Variants in AFF1 observed in about 807,000 individuals in gnomAD.
The protein encoded by AFF1 is ALF transcription elongation factor 1.
AFF1 carries 48 observed loss-of-function variants against 121.7 expected under a neutral mutation model. That is an observed-to-expected ratio of 0.39 (90% CI 0.31 to 0.50). The LOEUF (loss-of-function observed/expected upper bound fraction) is 0.50, where lower values mean the gene tolerates loss of function less well. Among genes scored for constraint, AFF1 ranks in the 20% least tolerant of loss-of-function variants. AFF1 has a pLI of 0.76. For synonymous variants in AFF1, 613 were observed against 563.0 expected (o/e 1.09, Z -1.26); for missense variants, 1,523 against 1,511.7 (o/e 1.01, Z -0.12).
intron 2 of AFF1, among the ~76,000 whole-genome samples, chr4:86,972,578 C>T (rs1432651657): frequency 6.6e-6 from 1 of 152,118 alleles, no homozygotes; most frequent in Non-Finnish European, 1.5e-5. Flanking sequence ...CACTGTATTG[C>T]CCAGGCTGGA....
chr4:87,076,691 T>G (rs1382427569), intron 4 of AFF1, among the ~76,000 whole-genome samples: 1 of 152,268 alleles, frequency 6.6e-6, no homozygotes, highest in African/African-American at 2.4e-5. Context: ...TAATTTGGAC[T>G]ATAACTGTGC....
chr4:87,088,878 T>C (rs1175650497), intron 5 of AFF1, among the ~76,000 whole-genome samples: 1 of 152,162 alleles, frequency 6.6e-6, no homozygotes, highest in Non-Finnish European at 1.5e-5. Context: ...CCCGAGTAGC[T>C]GGGATTACAG....
chr4:87,067,159 AAAAG>A (rs376797360), intron 4 of AFF1, among the ~76,000 whole-genome samples: 129 of 152,358 alleles, frequency 8.5e-4, no homozygotes, highest in East Asian at 5.8e-3. Context: ...AGGATGGAAG[AAAAG>A]AAAGAAAGAC....
intron 5 of AFF1, among the ~76,000 whole-genome samples, chr4:87,088,777 A>G (rs1390033558): frequency 6.7e-6 from 1 of 149,552 alleles, no homozygotes; most frequent in Admixed American, 6.6e-5. Flanking sequence ...GTATTTTTGT[A>G]TTTATTTATT....
intron 2 of AFF1, among the ~76,000 whole-genome samples, chr4:87,026,483 T>G (rs758125853): frequency 7.2e-5 from 11 of 152,132 alleles, no homozygotes; most frequent in Non-Finnish European, 1.5e-4. Context: ...CTCTGCCTCC[T>G]TCAGTTTCAA....
intron 2 of AFF1, among the ~76,000 whole-genome samples, chr4:86,968,580 A>G (rs1028171224): frequency 6.6e-6 from 1 of 152,222 alleles, no homozygotes; most frequent in African/African-American, 2.4e-5. Flanking sequence ...GGGGTCTTAC[A>G]CTGAAGGAGT....
intron 1 of AFF1, among the ~76,000 whole-genome samples, chr4:86,944,317 A>G (rs1720687770): frequency 6.6e-6 from 1 of 152,044 alleles, no homozygotes; most frequent in African/African-American, 2.4e-5. Context: ...AATCCCATGA[A>G]GCCCCTGTAT....
intron 2 of AFF1, among the ~76,000 whole-genome samples, chr4:87,041,556 C>G (rs1730155197): frequency 6.6e-6 from 1 of 152,016 alleles, no homozygotes; most frequent in Non-Finnish European, 1.5e-5. Flanking sequence ...ATGCAAAGTA[C>G]CATCTAAAAT....
rs1431441844 is a variant in AFF1 at position 87,140,172 on chromosome 4, C to T, written c.*4471C>T. 5 of 201,304 alleles carry T rather than the reference C, an allele frequency of 2.5e-5. No individual in the cohort carries two copies. The highest frequency in any genetic ancestry group is 4.6e-5 in the African/African-American group (2 of 43,502). 12.5% of individuals were successfully genotyped at this position (201,304 alleles called of 1,614,324 possible). On this transcript the variant is annotated 3_prime_UTR_variant, in exon 21 of 21. Transcript: ENST00000395146. ...GTGAGGCTGGCCAAGCTGCACTGGT[C>T]GGACCAGGCAGTGGCTGACCTAAGG... is the stretch of plus-strand genomic sequence containing the variant.
intron 2 of AFF1, chr4:87,020,697 G>A: frequency 1.6e-6 from 1 of 612,724 alleles, no homozygotes; most frequent in Non-Finnish European, 2.0e-6. Context: ...TGTTAGCCAG[G>A]ATGTTCTCAG....
intron 2 of AFF1, among the ~76,000 whole-genome samples, chr4:86,957,461 G>A (rs1721821914): frequency 6.6e-6 from 1 of 152,208 alleles, no homozygotes; most frequent in Admixed American, 6.5e-5. Flanking sequence ...GAAAGCAAAA[G>A]CCTGGAGAGA....
chr4:87,003,483 C>T (rs1016794372), intron 2 of AFF1, among the ~76,000 whole-genome samples: 1 of 152,052 alleles, frequency 6.6e-6, no homozygotes, highest in East Asian at 1.9e-4. Flanking sequence ...CAAATTCCTG[C>T]CCTCAAGCGA....
chr4:87,045,829 T>C (rs1222556757), intron 2 of AFF1, among the ~76,000 whole-genome samples: 1 of 152,176 alleles, frequency 6.6e-6, no homozygotes, highest in Non-Finnish European at 1.5e-5. Context: ...TTTTGCAAGC[T>C]GAAAATAAAA....
At position 87,105,663 on chromosome 4, in the gene AFF1, A is replaced by AG; in HGVS notation, c.1321dup (p.Asp441GlyfsTer3). 6.2e-7 allele frequency: 1 copy of AG among 1,614,222 alleles called. No homozygotes were observed. Among genetic ancestry groups the AG allele is most frequent in the Non-Finnish European group, 8.5e-7 (1 of 1,180,032 alleles). On this transcript the variant is annotated frameshift_variant, in exon 9 of 21. Transcript: ENST00000395146. LOFTEE classifies it high-confidence loss of function. ...GACGACCTTCAGCTCAGTGACAGTG[A>AG]GGACAGTGACAGTGAACAAGTAAGT...
rs747677974 is a variant in AFF1, at chr4:87,105,589, T to C, written c.1284-39T>C. The C allele has an allele frequency of 2.5e-6, 4 of 1,612,414 alleles. No individual in the cohort carries two copies. In the Admixed American group the frequency reaches 6.7e-5, roughly 27 times the overall value. On this transcript the variant is annotated intron_variant, in intron 8 of 20. Coordinates refer to ENST00000395146, the MANE Select transcript of AFF1 (RefSeq NM_001166693.3). ...ATGCTAGAAAAGTTGTTAGAAATCATTTCACATTCATTCTTCTCTGTGTCC... is the reference window on the plus strand; with the variant it reads ...ATGCTAGAAAAGTTGTTAGAAATCACTTCACATTCATTCTTCTCTGTGTCC...
At chr4:86,936,482 G>T (rs1720008316) in intron 1 of AFF1, 1 of 149,928 alleles carries the variant, frequency 6.7e-6, no homozygotes, top group Non-Finnish European at 1.5e-5. Flanking sequence ...TGTGTAGAAG[G>T]TAGGTGGCCG....
chr4:86,936,763 G>C (rs1013232140), intron 1 of AFF1, among the ~76,000 whole-genome samples: 3 of 152,180 alleles, frequency 2.0e-5, no homozygotes, highest in African/African-American at 7.2e-5. Flanking sequence ...TTAATTTCAA[G>C]GTGTTGTCTC....
chr4:87,105,411 C>T (rs1292599195), intron 8 of AFF1, among the ~76,000 whole-genome samples: 1 of 152,064 alleles, frequency 6.6e-6, no homozygotes, highest in African/African-American at 2.4e-5. Context: ...TAACTGGTTT[C>T]TGTGTTATAA....
At chr4:87,103,729 A>G (rs188348503) in intron 8 of AFF1, among the ~76,000 whole-genome samples, 1 of 152,348 alleles carries the variant, frequency 6.6e-6, no homozygotes, top group Admixed American at 6.5e-5. Flanking sequence ...CTTGGAAGTT[A>G]GATGTTTGGT....
Sources: gnomAD v4.1 joint callset for allele counts (sites outside exome capture counted in the v4.1 genomes callset) on GRCh38, gnomAD v4.1.1 for gene constraint, MANE v1.5 for transcripts, NCBI Gene and HGNC (gene_info 2026-07-23, HGNC 2026-07-21) for gene names.